Variants in DACH1 observed in about 807,000 individuals in gnomAD.
The protein encoded by DACH1 is dachshund family transcription factor 1, also known as dachshund homolog 1.
In DACH1, 12 loss-of-function variants were observed where a neutral mutation model predicts 54.2. The ratio of observed to expected loss-of-function variants is 0.22; its 90% CI spans 0.14 to 0.36. DACH1 has a LOEUF of 0.36. Ranked by LOEUF, DACH1 falls within the 10% of genes least tolerant of loss-of-function variation. The pLI, the probability that DACH1 is intolerant of heterozygous loss-of-function variation, is 1.00. For missense variants in DACH1, 805 were observed against 929.8 expected (o/e 0.87, Z 1.75); for synonymous variants, 386 against 366.2 (o/e 1.05, Z -0.62).
At chr13:71,449,597 T>C (rs992082437) in intron 10 of DACH1, among the ~76,000 whole-genome samples, 1 of 151,704 alleles carries the variant, frequency 6.6e-6, no homozygotes, top group Non-Finnish European at 1.5e-5. Context: ...ACCTAGATGA[T>C]GGGTTGATGG....
chr13:71,745,753 C>T (rs73215240), intron 1 of DACH1, among the ~76,000 whole-genome samples: 4,389 of 152,242 alleles, frequency 0.029, 105 homozygotes, highest in Middle Eastern at 0.068. Flanking sequence ...TGAGAACTGC[C>T]ATTATGCAAA....
intron 2 of DACH1, among the ~76,000 whole-genome samples, chr13:71,643,803 T>C (rs1878080337): frequency 6.6e-6 from 1 of 152,170 alleles, no homozygotes; most frequent in Admixed American, 6.5e-5. Context: ...ATGTGTGACT[T>C]TTAAAGCAGT....
rs183394765 is a variant in DACH1, at chr13:71,741,949, C to A, written c.849-60039G>T. Among the ~76,000 whole-genome samples, 3 of 152,142 alleles carry A rather than the reference C, an allele frequency of 2.0e-5. No homozygotes were observed. The East Asian group carries it at 5.8e-4, about 29-fold the overall frequency. On this transcript the variant is annotated intron_variant, in intron 1 of 10. Coordinates refer to ENST00000613252, the MANE Select transcript of DACH1 (RefSeq NM_080759.6). ...ACAGACTGATATGGTTCAGCTGTGC[C>A]GCCTCCCAAATTTCAACTTGAATTG...
chr13:71,503,227 A>G (rs1274216660), intron 6 of DACH1, among the ~76,000 whole-genome samples: 1 of 152,192 alleles, frequency 6.6e-6, no homozygotes, highest in Non-Finnish European at 1.5e-5. Context: ...ATTTCTTTAC[A>G]GGTTTATTTC....
intron 2 of DACH1, among the ~76,000 whole-genome samples, chr13:71,646,516 C>T (rs756604074): frequency 6.6e-6 from 1 of 152,080 alleles, no homozygotes; most frequent in African/African-American, 2.4e-5. Context: ...CAGAAGTGAT[C>T]CATTAGCCCA....
At chr13:71,744,419 G>C (rs934182016) in intron 1 of DACH1, among the ~76,000 whole-genome samples, 2 of 152,276 alleles carry the variant, frequency 1.3e-5, no homozygotes, top group African/African-American at 4.8e-5. Context: ...AGCTGTAGCT[G>C]AGGAAGCACT....
chr13:71,839,619 T>TA (rs1888939347), intron 1 of DACH1, among the ~76,000 whole-genome samples: 1 of 151,682 alleles, frequency 6.6e-6, no homozygotes, highest in South Asian at 2.1e-4. Context: ...AATAAATAAA[T>TA]AAAAATAAAA....
chr13:71,823,485 T>C (rs1185697352), intron 1 of DACH1, among the ~76,000 whole-genome samples: 5 of 152,054 alleles, frequency 3.3e-5, no homozygotes, highest in Non-Finnish European at 7.4e-5. Flanking sequence ...CACTGAGAAA[T>C]ACATTTCCTT....
At chr13:71,555,854 A>T (rs1884216642) in intron 6 of DACH1, among the ~76,000 whole-genome samples, 1 of 150,502 alleles carries the variant, frequency 6.6e-6, no homozygotes, top group Admixed American at 6.6e-5. Context: ...ACTTGATATC[A>T]AGTTTCACAA....
intron 3 of DACH1, among the ~76,000 whole-genome samples, chr13:71,614,367 G>A (rs965264024): frequency 6.6e-6 from 1 of 152,014 alleles, no homozygotes; most frequent in Non-Finnish European, 1.5e-5. Context: ...AATGGATGTA[G>A]GAATGGATAA....
chr13:71,734,957 TATA>T (rs1189256053), intron 1 of DACH1, among the ~76,000 whole-genome samples: 1 of 34,520 alleles, frequency 2.9e-5, no homozygotes, highest in Non-Finnish European at 8.1e-4. Flanking sequence ...ACACACAGGA[TATA>T]TATATATATA....
In DACH1 at chr13:71,849,779, T is replaced by A. The variant is rs73505525; in HGVS notation, c.848+16143A>T. Among the ~76,000 whole-genome samples, 470 of 152,326 alleles carry A rather than the reference T, an allele frequency of 3.1e-3. 1 individual carries two copies. Among genetic ancestry groups the A allele is most frequent in the African/African-American group, 0.011 (453 of 41,568 alleles). On this transcript the variant is annotated intron_variant, in intron 1 of 10. Coordinates refer to ENST00000613252, the MANE Select transcript of DACH1 (RefSeq NM_080759.6). Reference sequence around the variant, plus strand: ...TCTAATATTCTTCCACTCTGAAACATTTCCAGATATCAAATTCATTCATTT... The same window carrying A: ...TCTAATATTCTTCCACTCTGAAACAATTCCAGATATCAAATTCATTCATTT...
chr13:71,577,195 C>T lies in DACH1; in HGVS notation c.1127-4183G>A, dbSNP rs1033725735. Among the ~76,000 whole-genome samples the T allele has an allele frequency of 4.6e-5, 7 of 152,248 alleles. No individual in the cohort carries two copies. The East Asian group carries it at 9.7e-4, about 21-fold the overall frequency. On this transcript the variant is annotated intron_variant, in intron 3 of 10. Transcript: ENST00000613252. ...TTGTTCTGATGCCCACTTTCTCCAG[C>T]CTGCTCCCTTCTCCTCAGTTCTTTA...
chr13:71,623,574 C>G (rs1259631312), intron 3 of DACH1, among the ~76,000 whole-genome samples: 3 of 151,618 alleles, frequency 2.0e-5, no homozygotes, highest in South Asian at 4.2e-4. Flanking sequence ...CTTAAGGATG[C>G]CTTGTTTTGG....
chr13:71,519,264 T>C (rs1881392142), intron 6 of DACH1, among the ~76,000 whole-genome samples: 1 of 151,848 alleles, frequency 6.6e-6, no homozygotes, highest in African/African-American at 2.4e-5. Context: ...GATAGCATTA[T>C]TTCAATTAGC....
chr13:71,713,583 T>C (rs1235195415), intron 1 of DACH1, among the ~76,000 whole-genome samples: 1 of 152,136 alleles, frequency 6.6e-6, no homozygotes, highest in African/African-American at 2.4e-5. Flanking sequence ...TGGTGATCTG[T>C]CTTAAAAGGT....
At chr13:71,793,170 G>A (rs1886904620) in intron 1 of DACH1, among the ~76,000 whole-genome samples, 1 of 152,106 alleles carries the variant, frequency 6.6e-6, no homozygotes, top group African/African-American at 2.4e-5. Context: ...AGCAGAAATT[G>A]TGAAAAAGAG....
At chr13:71,777,194 G>A (rs909476536) in intron 1 of DACH1, among the ~76,000 whole-genome samples, 1 of 148,540 alleles carries the variant, frequency 6.7e-6, no homozygotes, top group Admixed American at 6.6e-5. Context: ...CTTCTTGTCC[G>A]TACGGTATAG....
At chr13:71,744,958 TG>T (rs1235486843) in intron 1 of DACH1, among the ~76,000 whole-genome samples, 1 of 152,166 alleles carries the variant, frequency 6.6e-6, no homozygotes, top group Non-Finnish European at 1.5e-5. Context: ...TCAGAAGTTT[TG>T]TGGATTTTTA....
Sources: gnomAD v4.1 joint callset for allele counts (sites outside exome capture counted in the v4.1 genomes callset) on GRCh38, gnomAD v4.1.1 for gene constraint, MANE v1.5 for transcripts, NCBI Gene and HGNC (gene_info 2026-07-23, HGNC 2026-07-21) for gene names.